The following ARID1B variants were observed in gnomAD, a reference collection of about 807,000 sequenced individuals.
ARID1B encodes AT-rich interaction domain 1B.
A neutral mutation model predicts 212.3 loss-of-function variants in ARID1B; 30 were observed. The observed-to-expected ratio is 0.14, with a 90% confidence interval of 0.11 to 0.19. The LOEUF is 0.19. Among genes scored for constraint, ARID1B ranks in the 10% least tolerant of loss-of-function variants. The pLI is 1.00. For synonymous variants in ARID1B, 1,402 were observed against 1,301.7 expected (o/e 1.08, Z -1.66); for missense variants, 2,891 against 3,204.0 (o/e 0.90, Z 2.36).
chr6:157,179,368 T>G (rs1446775567), intron 11 of ARID1B, among the ~76,000 whole-genome samples: 2 of 152,136 alleles, frequency 1.3e-5, no homozygotes, highest in African/African-American at 4.8e-5. Context: ...CCTCTTTTCC[T>G]AGTCAAGTAG....
At chr6:156,880,892 A>AT (rs1215576869) in intron 2 of ARID1B, among the ~76,000 whole-genome samples, 1 of 152,052 alleles carries the variant, frequency 6.6e-6, no homozygotes, top group Non-Finnish European at 1.5e-5. Flanking sequence ...CTGCATAGTC[A>AT]TTTTTTCGTG....
chr6:157,123,238 GCCC>G lies in ARID1B; in HGVS notation c.2582-9782_2582-9780del, dbSNP rs145123304. ...TTTCTTTCTCTCCCCCCCGCCCCCC[GCCC>G]CCCCCCCACACACACACAAGCAAAC... On this transcript the variant is annotated intron_variant, in intron 6 of 19. Transcript: ENST00000636930. Among the ~76,000 whole-genome samples, 90 of 83,586 alleles carry G rather than the reference GCCC, an allele frequency of 1.1e-3. 1 individual carries two copies. The South Asian group carries it at 0.012, about 11-fold the overall frequency. The allele number at this position is 83,586 out of a possible 152,430, so 54.8% of individuals were successfully genotyped here.
chr6:157,042,225 AATACAG>A (rs1252870843), intron 4 of ARID1B, among the ~76,000 whole-genome samples: 2 of 152,244 alleles, frequency 1.3e-5, no homozygotes, highest in East Asian at 3.8e-4. Context: ...TCTCTTGTTC[AATACAG>A]TGTATTTCCT....
At chr6:157,040,378 C>T (rs1339276873) in intron 4 of ARID1B, among the ~76,000 whole-genome samples, 1 of 152,222 alleles carries the variant, frequency 6.6e-6, no homozygotes, top group Non-Finnish European at 1.5e-5. Context: ...ACATGGCACC[C>T]TCTTGGCAAA....
intron 4 of ARID1B, chr6:157,036,620 C>T (rs775508604): frequency 1.2e-5 from 4 of 328,082 alleles, no homozygotes; most frequent in East Asian, 6.8e-5. Flanking sequence ...TAGGAGCTCC[C>T]GCCGTCTTAT....
intron 2 of ARID1B, among the ~76,000 whole-genome samples, chr6:156,860,928 T>G (rs1785283692): frequency 6.6e-6 from 1 of 152,240 alleles, no homozygotes; most frequent in Non-Finnish European, 1.5e-5. Flanking sequence ...TGCTTTTTTG[T>G]GCAACCAACA....
intron 4 of ARID1B, among the ~76,000 whole-genome samples, chr6:157,021,889 C>T (rs1022281168): frequency 6.6e-6 from 1 of 152,170 alleles, no homozygotes; most frequent in African/African-American, 2.4e-5. Context: ...GCCGCCGCCC[C>T]GCTACCTCGC....
intron 4 of ARID1B, among the ~76,000 whole-genome samples, chr6:156,952,006 G>A (rs1016587500): frequency 6.6e-6 from 1 of 152,260 alleles, no homozygotes; most frequent in African/African-American, 2.4e-5. Context: ...GTCCAAAGAA[G>A]TAGCTTATTG....
chr6:156,778,802 C>T lies in ARID1B; in HGVS notation c.1122C>T (p.Pro374=), dbSNP rs754413384. The change falls in exon 1 of 20, where the codon CCC becomes CCT. Residue 374 remains proline (P), a synonymous_variant. Transcript: ENST00000636930. ...TGCAGAACTCCCACGAAGGGTACCCCAACAGCCAGTGCAACCATTATCCGG... is the reference window on the plus strand; with the variant it reads ...TGCAGAACTCCCACGAAGGGTACCCTAACAGCCAGTGCAACCATTATCCGG... ...DPLQNSHEGY[P]NSQCNHYPGY... 2 of 1,499,566 alleles carry T rather than the reference C, an allele frequency of 1.3e-6. No individual in the cohort carries two copies. Among genetic ancestry groups the T allele is most frequent in the Admixed American group, 2.2e-5 (1 of 46,500 alleles). 92.9% of individuals were successfully genotyped at this position (1,499,566 alleles called of 1,614,324 possible).
At chr6:156,915,618 G>C (rs141999103) in intron 3 of ARID1B, among the ~76,000 whole-genome samples, 1 of 148,962 alleles carries the variant, frequency 6.7e-6, no homozygotes, top group African/African-American at 2.5e-5. Context: ...GGTTTTGGGC[G>C]GGCTCAGTGG....
At chr6:156,894,161 A>G (rs1788185993) in intron 2 of ARID1B, among the ~76,000 whole-genome samples, 1 of 152,104 alleles carries the variant, frequency 6.6e-6, no homozygotes, top group African/African-American at 2.4e-5. Flanking sequence ...GCTAACTCAG[A>G]CACAAAATAA....
At chr6:157,080,832 G>A (rs533880105) in intron 4 of ARID1B, among the ~76,000 whole-genome samples, 18 of 152,308 alleles carry the variant, frequency 1.2e-4, no homozygotes, top group Non-Finnish European at 1.8e-4. Flanking sequence ...TTTAAATTAA[G>A]TTTTAAAGCT....
At chr6:157,027,618 A>G (rs1583174255) in intron 4 of ARID1B, among the ~76,000 whole-genome samples, 1 of 152,254 alleles carries the variant, frequency 6.6e-6, no homozygotes, top group East Asian at 1.9e-4. Context: ...TGGCTGTAAT[A>G]GAAGTTTCAT....
chr6:156,889,724 G>A (rs1291619772), intron 2 of ARID1B, among the ~76,000 whole-genome samples: 1 of 152,122 alleles, frequency 6.6e-6, no homozygotes, highest in Admixed American at 6.5e-5. Flanking sequence ...CACAATAAAG[G>A]CGAACAGGGT....
At chr6:156,956,270 C>T (rs1009849862) in intron 4 of ARID1B, among the ~76,000 whole-genome samples, 4 of 152,134 alleles carry the variant, frequency 2.6e-5, no homozygotes, top group East Asian at 1.9e-4. Context: ...AATTTCCACT[C>T]GGACTTGTCA....
chr6:157,021,280 C>CAG, intron 4 of ARID1B, among the ~76,000 whole-genome samples: 1 of 152,328 alleles, frequency 6.6e-6, no homozygotes, highest in African/African-American at 2.4e-5. Flanking sequence ...GACTCGCCCG[C>CAG]GCCCACGGAA....
Position 156,779,130 on chromosome 6 carries a change from G to C in ARID1B, c.1450G>C (p.Gly484Arg). Residue 484 changes from glycine to arginine, a missense_variant, in exon 1 of 20, where the codon GGC (glycine) becomes CGC (arginine). By Grantham distance (125) the Gly-to-Arg change is moderately radical. Transcript: ENST00000636930. ...SKAAAGSAAGGFQRFAGQNQH... is the reference protein window; with the variant it reads ...SKAAAGSAAGRFQRFAGQNQH... The stretch of plus-strand genomic sequence containing the variant: ...GGCGGCCGCCGGCTCGGCGGCGGGG[G>C]GCTTCCAGCGCTTCGCCGGCCAGAA... The C allele has an allele frequency of 8.0e-7, 1 of 1,248,544 alleles. No homozygotes were observed. The highest frequency in any genetic ancestry group is 2.7e-5 in the South Asian group (1 of 36,596). 77.3% of individuals were successfully genotyped at this position (1,248,544 alleles called of 1,614,324 possible).
At chr6:157,115,587 C>G (rs980268504) in intron 6 of ARID1B, among the ~76,000 whole-genome samples, 1 of 152,044 alleles carries the variant, frequency 6.6e-6, no homozygotes, top group Non-Finnish European at 1.5e-5. Flanking sequence ...CCACCACGCC[C>G]GGCTAATTTT....
At chr6:157,105,821 T>G (rs1440878406) in intron 5 of ARID1B, among the ~76,000 whole-genome samples, 2 of 152,062 alleles carry the variant, frequency 1.3e-5, no homozygotes, top group Non-Finnish European at 2.9e-5. Flanking sequence ...AGGCTGGTCT[T>G]GAACTCCTGA....
Sources: gnomAD v4.1 joint callset for allele counts (sites outside exome capture counted in the v4.1 genomes callset) on GRCh38, gnomAD v4.1.1 for gene constraint, MANE v1.5 for transcripts, NCBI Gene and HGNC (gene_info 2026-07-23, HGNC 2026-07-21) for gene names.